PKP3: variants seen among roughly 807,000 people sequenced by gnomAD.
PKP3 encodes plakophilin 3, also known as plakophilin-3.
In PKP3, 66 loss-of-function variants were observed where a neutral mutation model predicts 76.5. The observed-to-expected ratio is 0.86, with a 90% CI of 0.71 to 1.06. PKP3 has a LOEUF of 1.06. PKP3 is among the 50% of genes least tolerant of loss of function. The pLI is 0.00. For missense variants in PKP3, 1,338 were observed against 1,141.0 expected (o/e 1.17, Z -2.49); for synonymous variants, 638 against 516.5 (o/e 1.24, Z -3.19).
At position 404,868 on chromosome 11, in the gene PKP3, G is replaced by A. The variant is rs1242766873; in HGVS notation, c.*299G>A. 2 of 471,270 alleles carry A rather than the reference G, an allele frequency of 4.2e-6. No individual in the cohort carries two copies. Among genetic ancestry groups the A allele is most frequent in the Non-Finnish European group, 3.9e-6 (1 of 256,480 alleles). The allele number at this position is 471,270 out of a possible 1,614,324, so 29.2% of individuals were successfully genotyped here. ...TTGGCTGTGGCCTGGCAGTATCTTG[G>A]GATAGCCAGCACTGGGAATAAAGAT... is the stretch of plus-strand genomic sequence containing the variant. On this transcript the variant is annotated 3_prime_UTR_variant, in exon 13 of 13. Coordinates refer to ENST00000331563, the MANE Select transcript of PKP3 (RefSeq NM_007183.4). The surrounding 1 kb of genome is among the most constrained non-coding windows in gnomAD (Gnocchi z 4.2).
chr11:399,083 A>G lies in PKP3; in HGVS notation c.1160A>G (p.Asn387Ser), dbSNP rs775696481. 9.9e-6 allele frequency: 16 copies of G among 1,611,544 alleles called. No individual in the cohort carries two copies. The highest frequency in any genetic ancestry group is 1.6e-4 in the Middle Eastern group (1 of 6,074). Residue 387 changes from asparagine (N) to serine (S), a missense_variant, in exon 5 of 13, where the codon AAC becomes AGC. Asn to Ser is a conservative substitution (Grantham distance 46). Transcript: ENST00000331563. The part of the protein sequence containing the change: ...VQRHATGAMR[N>S]LIYDNADNKL... The stretch of plus-strand genomic sequence containing the variant: ...CGCCATGCCACAGGTGCCATGCGCA[A>G]CCTCATCTACGACAACGCTGACAAC...
chr11:398,158 C>A (rs1367705478), intron 4 of PKP3, among the ~76,000 whole-genome samples: 1 of 81,410 alleles, frequency 1.2e-5, no homozygotes. Flanking sequence ...TCCGTACACC[C>A]GCACATACCT....
chr11:403,335 A>T, intron 9 of PKP3, 72 bp downstream of exon 9: 6 of 933,946 alleles, frequency 6.4e-6, no homozygotes, highest in Non-Finnish European at 9.4e-6. Context: ...GAGGAGGGAG[A>T]GGGAGGGGAG....
chr11:403,211 C>T lies in PKP3; in HGVS notation c.1871C>T (p.Thr624Met), dbSNP rs537750252. 34 of 1,590,394 alleles carry T rather than the reference C, an allele frequency of 2.1e-5. No individual in the cohort carries two copies. The highest frequency in any genetic ancestry group is 3.3e-4 in the Middle Eastern group (2 of 5,980). Reference protein sequence around the residue: ...LLQRCELNRHTTEAAAGALQN... With the variant: ...LLQRCELNRHMTEAAAGALQN... ...CAGCGCTGCGAGCTCAACCGGCACA[C>T]GACGGAGGCGGCCGCCGGGGCGCTG... The change falls in exon 9 of 13, where the codon ACG becomes ATG. Residue 624 changes from threonine (T) to methionine (M), a missense_variant. Coordinates refer to ENST00000331563, the MANE Select transcript of PKP3 (RefSeq NM_007183.4).
chr11:403,850 T>G (rs1387173404), intron 10 of PKP3, 79 bp downstream of exon 10: 1 of 1,578,788 alleles, frequency 6.3e-7, no homozygotes, highest in Non-Finnish European at 8.6e-7. Context: ...TTCAGACCAC[T>G]GGGGCCAGTC....
Position 396,866 on chromosome 11 carries a change from G to T in PKP3, c.365G>T (p.Arg122Leu), listed in dbSNP as rs574418224. Reference protein sequence around the residue: ...PAYSPASWSSRSAVDLSCSRR... With the variant: ...PAYSPASWSSLSAVDLSCSRR... ...TACAGCCCAGCCTCCTGGTCCTCCC[G>T]CTCCGCCGTGGATCTGAGCTGCAGT... The change falls in exon 3 of 13, where the codon CGC becomes CTC. Residue 122 changes from arginine to leucine, a missense_variant. Arg to Leu is a moderately radical substitution (Grantham distance 102). Coordinates refer to ENST00000331563, the MANE Select transcript of PKP3 (RefSeq NM_007183.4). 7.5e-6 allele frequency: 12 copies of T among 1,599,450 alleles called. No homozygotes were observed. In the Admixed American group the frequency reaches 1.0e-4, roughly 13 times the overall value.
chr11:397,410 C>T lies in PKP3; in HGVS notation c.909C>T (p.Tyr303=), dbSNP rs1179032481. ...HLPDVHGFNS[Y]GSHRTLQRLS... ...CGGACGTGCATGGGTTCAACAGCTA[C>T]GGTAGCCACCGAACCCTGCAGAGAC... The change falls in exon 3 of 13, where the codon TAC becomes TAT. Residue 303 remains tyrosine (Y), a synonymous_variant. Transcript: ENST00000331563. 5 of 1,612,070 alleles carry T rather than the reference C, an allele frequency of 3.1e-6. No homozygotes were observed. Among genetic ancestry groups the T allele is most frequent in the Non-Finnish European group, 2.5e-6 (3 of 1,179,660 alleles).
At position 396,770 on chromosome 11, in the gene PKP3, A is replaced by G. The variant is rs766477794; in HGVS notation, c.313-44A>G. The G allele has an allele frequency of 7.0e-6, 11 of 1,567,400 alleles. No individual in the cohort carries two copies. The East Asian group carries it at 2.3e-4, about 32-fold the overall frequency. On this transcript the variant is annotated intron_variant, in intron 2 of 12. Coordinates refer to ENST00000331563, the MANE Select transcript of PKP3 (RefSeq NM_007183.4). ...GAGGCTCTGCAGCGGGCCCGGACAC[A>G]GGTGAGCCCAGGCACGCCCTCACCG...
At position 399,009 on chromosome 11, in the gene PKP3, C is replaced by G. The variant is rs147995759; in HGVS notation, c.1086C>G (p.Ala362=). 7 of 1,588,958 alleles carry G rather than the reference C, an allele frequency of 4.4e-6. No individual in the cohort carries two copies. The highest frequency in any genetic ancestry group is 2.3e-5 in the East Asian group (1 of 44,410). Reference sequence around the variant, plus strand: ...GCCCGCAGGCCCGCAGCCTTCAGGCCGTGCCTAGGCTGGTGAAGCTCTTCA... The same window carrying G: ...GCCCGCAGGCCCGCAGCCTTCAGGCGGTGCCTAGGCTGGTGAAGCTCTTCA... ...AAKKQARSLQ[A]VPRLVKLFNH... Residue 362 remains alanine, a synonymous_variant, in exon 5 of 13, where the codon GCC becomes GCG. Coordinates refer to ENST00000331563, the MANE Select transcript of PKP3 (RefSeq NM_007183.4).
In PKP3 at chr11:403,607, C is replaced by T. The variant is rs771507349; in HGVS notation, c.1924-11C>T. ...CCTCCGGGTCACGGCTCACACCCTCCCTCCCCACAGTGGGCGGGGGTGCTG... is the reference window on the plus strand; with the variant it reads ...CCTCCGGGTCACGGCTCACACCCTCTCTCCCCACAGTGGGCGGGGGTGCTG... On this transcript the variant is annotated splice_polypyrimidine_tract_variant and intron_variant, in intron 9 of 12. Coordinates refer to ENST00000331563, the MANE Select transcript of PKP3 (RefSeq NM_007183.4). The T allele has an allele frequency of 1.2e-5, 19 of 1,601,908 alleles. No homozygotes were observed. In the South Asian group the frequency reaches 2.0e-4, roughly 17 times the overall value.
rs768942235 is a variant in PKP3 at position 397,368 on chromosome 11, TGACTCGGGCCACCTGCCG to T, written c.871_888del (p.Ser291_Asp296del). The T allele has an allele frequency of 3.1e-6, 5 of 1,604,644 alleles. No homozygotes were observed. The African/African-American group carries it at 6.7e-5, about 21-fold the overall frequency. On this transcript the variant is annotated inframe_deletion, in exon 3 of 13. Coordinates refer to ENST00000331563, the MANE Select transcript of PKP3 (RefSeq NM_007183.4). The stretch of plus-strand genomic sequence containing the variant: ...TGCGCAGCCTCAGCCTCAGCCTGGC[TGACTCGGGCCACCTGCCG>T]GACGTGCATGGGTTCAACAGCTACG...
chr11:397,852 T>C, intron 4 of PKP3, 190 bp downstream of exon 4: 1 of 600,834 alleles, frequency 1.7e-6, no homozygotes, highest in Non-Finnish European at 2.9e-6. Flanking sequence ...CAGTATCACC[T>C]GCATCACCTC....
chr11:400,015 C>A lies in PKP3; in HGVS notation c.1322C>A (p.Ala441Asp). ...AGCGACCACCTGAAGGACCGCCTGG[C>A]CAGAGACACGCTGGAGCAGCTCACA... ...SSSDHLKDRL[A>D]RDTLEQLTDL... The change falls in exon 6 of 13, where the codon GCC becomes GAC. Residue 441 changes from alanine (A) to aspartate (D), a missense_variant. Transcript: ENST00000331563. The A allele has an allele frequency of 1.2e-6, 2 of 1,607,782 alleles. No homozygotes were observed. The highest frequency in any genetic ancestry group is 1.7e-6 in the Non-Finnish European group (2 of 1,178,482).
At position 394,470 on chromosome 11, in the gene PKP3, C is replaced by G; in HGVS notation, c.178C>G (p.Gln60Glu). ...CGCCCGCCTCTTGCAGCTGGGACAGCAGCCGCGGCACAACGGGGCCGCTGA... is the reference window on the plus strand; with the variant it reads ...CGCCCGCCTCTTGCAGCTGGGACAGGAGCCGCGGCACAACGGGGCCGCTGA... ...VRARLLQLGQ[Q>E]PRHNGAAEPE... is the part of the protein sequence containing the mutation. Residue 60 changes from glutamine (Q) to glutamate (E), a missense_variant, in exon 1 of 13, where the codon CAG becomes GAG. Transcript: ENST00000331563. 2.1e-6 allele frequency: 3 copies of G among 1,437,326 alleles called. No individual in the cohort carries two copies. The highest frequency in any genetic ancestry group is 1.4e-5 in the South Asian group (1 of 72,022). 89.0% of individuals were successfully genotyped at this position (1,437,326 alleles called of 1,614,324 possible). A position where few individuals can be genotyped will look rare whatever the true frequency, so the allele number is the denominator to read the frequency against.
At chr11:399,854 G>A in intron 5 of PKP3, 113 bp from the exon 6 acceptor site, 2 of 866,186 alleles carry the variant, frequency 2.3e-6, no homozygotes, top group South Asian at 3.4e-5. Flanking sequence ...CGTGGGTGAG[G>A]CACAGAACAC....
intron 1 of PKP3, 78 bp from the exon 2 acceptor site, chr11:396,530 A>G (rs1847046757): frequency 9.7e-7 from 1 of 1,029,734 alleles, no homozygotes; most frequent in Non-Finnish European, 1.4e-6. Context: ...GCCAATAGCG[A>G]TGGAGTGGTG....
chr11:394,637 C>A (rs780136971), intron 1 of PKP3, 113 bp downstream of exon 1: 3 of 904,354 alleles, frequency 3.3e-6, no homozygotes, highest in Admixed American at 4.3e-5. Context: ...ACTCACCAGG[C>A]CTCACACTGA....
rs749273421 is a variant in PKP3 at position 396,812 on chromosome 11, A to G, written c.313-2A>G. Reference sequence around the variant, plus strand: ...CCCTCACCGCCCCCTCTCGACCCACAGGGCTTCCGGCCCATCGCCAAGCCG... The same window carrying G: ...CCCTCACCGCCCCCTCTCGACCCACGGGGCTTCCGGCCCATCGCCAAGCCG... On this transcript the variant is annotated splice_acceptor_variant, in intron 2 of 12. Coordinates refer to ENST00000331563, the MANE Select transcript of PKP3 (RefSeq NM_007183.4). LOFTEE classifies it high-confidence loss of function. The G allele has an allele frequency of 3.8e-6, 6 of 1,579,858 alleles. No homozygotes were observed. The highest frequency in any genetic ancestry group is 3.4e-6 in the Non-Finnish European group (4 of 1,167,458).
intron 1 of PKP3, among the ~76,000 whole-genome samples, chr11:394,867 C>T (rs1448280040): frequency 2.6e-5 from 4 of 152,306 alleles, no homozygotes; most frequent in South Asian, 2.1e-4. Context: ...CGCCTGGCCC[C>T]GGTAGCACAG....
Sources: allele counts gnomAD v4.1 joint callset (sites outside exome capture counted in the v4.1 genomes callset), GRCh38; gene constraint gnomAD v4.1.1; non-coding constraint Gnocchi (gnomAD v3.1); transcripts MANE v1.5; gene names NCBI Gene and HGNC (gene_info 2026-07-23, HGNC 2026-07-21).